Variants in LIMCH1 observed in about 807,000 individuals in gnomAD.
LIMCH1 encodes LIM and calponin homology domains-containing protein 1.
A neutral mutation model predicts 176.5 loss-of-function variants in LIMCH1; 113 were observed. That is an observed-to-expected ratio of 0.64 (90% CI 0.55 to 0.75). The LOEUF is 0.75. LIMCH1 is among the 30% of genes least tolerant of loss of function. The pLI is 0.00. For synonymous variants in LIMCH1, 619 were observed against 645.9 expected (o/e 0.96, Z 0.63); for missense variants, 1,674 against 1,814.9 (o/e 0.92, Z 1.41).
At chr4:41,363,885 G>T (rs2052551707) in intron 1 of LIMCH1, among the ~76,000 whole-genome samples, 1 of 152,222 alleles carries the variant, frequency 6.6e-6, no homozygotes, top group Non-Finnish European at 1.5e-5. Context: ...CAGCAAACTT[G>T]AAGTAGTAAC....
In LIMCH1 at chr4:41,394,868, C is replaced by T. The variant is rs1049160978; in HGVS notation, c.96+33932C>T. 1.1e-4 allele frequency among the ~76,000 whole-genome samples: 17 copies of T among 152,222 alleles called. No homozygotes were observed. The South Asian group carries it at 1.2e-3, about 11-fold the overall frequency. On this transcript the variant is annotated intron_variant, in intron 1 of 26. Coordinates refer to the LIMCH1 transcript ENST00000313860. ...CAAGAACACTGCCTGTGTCCCTAGCCAAAAAGAAACTAAGGACCTAGCATG... is the reference window on the plus strand; with the variant it reads ...CAAGAACACTGCCTGTGTCCCTAGCTAAAAAGAAACTAAGGACCTAGCATG...
rs1253374402 is a variant in LIMCH1 at position 41,523,005 on chromosome 4, G to A, written c.168-1404G>A. 4.6e-5 allele frequency among the ~76,000 whole-genome samples: 7 copies of A among 152,212 alleles called. No homozygotes were observed. In the South Asian group the frequency reaches 8.3e-4, roughly 18 times the overall value. On this transcript the variant is annotated intron_variant, in intron 2 of 26. Coordinates refer to the LIMCH1 transcript ENST00000313860. The stretch of plus-strand genomic sequence containing the variant: ...CTCTTGGTAGCAGCATGTTGGAATT[G>A]CAGTGAAAATTACCGAGAACAGCCA...
rs183962870 is a variant in LIMCH1, at chr4:41,478,371, C to G, written c.97-16165C>G. On this transcript the variant is annotated intron_variant, in intron 1 of 26. Transcript: ENST00000313860. ...TTGCTTTTCTTTATAGTTGTGTTGC[C>G]CAAGTCAAGCCCTTTTAAAGGATAG... 5.3e-5 allele frequency among the ~76,000 whole-genome samples: 8 copies of G among 152,192 alleles called. 1 individual carries two copies. In the East Asian group the frequency reaches 1.5e-3, roughly 29 times the overall value.
chr4:41,597,837 G>C (rs1250920812), intron 1 of LIMCH1, among the ~76,000 whole-genome samples: 1 of 152,188 alleles, frequency 6.6e-6, no homozygotes, highest in Non-Finnish European at 1.5e-5. Flanking sequence ...CTCAAGAAGA[G>C]GTGTGTACAT....
At chr4:41,486,231 G>T (rs1000592834) in intron 1 of LIMCH1, among the ~76,000 whole-genome samples, 1 of 152,148 alleles carries the variant, frequency 6.6e-6, no homozygotes, top group African/African-American at 2.4e-5. Flanking sequence ...TAAGAGCTCT[G>T]CTAAGCTTCC....
intron 1 of LIMCH1, among the ~76,000 whole-genome samples, chr4:41,546,871 A>AAG (rs2079505136): frequency 6.6e-6 from 1 of 151,878 alleles, no homozygotes. Flanking sequence ...GAGAGAGAGA[A>AAG]AGAGAGAGAG....
rs780351724 is a variant in LIMCH1 at position 41,360,854 on chromosome 4, C to A, written c.14C>A (p.Ala5Asp). The A allele has an allele frequency of 6.4e-7, 1 of 1,567,218 alleles. No homozygotes were observed. Among genetic ancestry groups the A allele is most frequent in the Non-Finnish European group, 8.6e-7 (1 of 1,158,864 alleles). The change falls in exon 1 of 27, where the codon GCT (alanine) becomes GAT (aspartate). Residue 5 changes from alanine (A) to aspartate (D), a missense_variant. Ala to Asp is a moderately radical substitution (Grantham distance 126). Transcript: ENST00000313860. The surrounding 1 kb of genome is among the most constrained non-coding windows in gnomAD (Gnocchi z 4.5). Reference sequence around the variant, plus strand: ...GGGGCTGCGCAAATGGCTTGTCCCGCTCTCGGTCTGGAAGCTCTTCAGCCC... The same window carrying A: ...GGGGCTGCGCAAATGGCTTGTCCCGATCTCGGTCTGGAAGCTCTTCAGCCC...
chr4:41,666,442 T>C, intron 20 of LIMCH1, 119 bp from the exon 21 acceptor site: 1 of 604,368 alleles, frequency 1.7e-6, no homozygotes, highest in Non-Finnish European at 2.9e-6. Context: ...TAAATTTAAA[T>C]GTTAACTGTT....
intron 5 of LIMCH1, 82 bp downstream of exon 5, chr4:41,613,743 A>C: frequency 8.2e-7 from 1 of 1,212,250 alleles, no homozygotes; most frequent in Non-Finnish European, 1.2e-6. Context: ...AGGGATGGGC[A>C]CTGGGAAAGC....
At chr4:41,519,855 A>G (rs2075946114) in intron 2 of LIMCH1, among the ~76,000 whole-genome samples, 1 of 152,196 alleles carries the variant, frequency 6.6e-6, no homozygotes. Flanking sequence ...ATGGAAGGGA[A>G]AACTGAGACC....
intron 1 of LIMCH1, among the ~76,000 whole-genome samples, chr4:41,426,317 G>A (rs977593127): frequency 2.0e-5 from 3 of 152,120 alleles, no homozygotes; most frequent in African/African-American, 4.8e-5. Context: ...CACTGCGCCC[G>A]GCCCGTGAAA....
intron 1 of LIMCH1, among the ~76,000 whole-genome samples, chr4:41,563,119 C>T (rs774833582): frequency 5.9e-5 from 9 of 152,170 alleles, no homozygotes; most frequent in Non-Finnish European, 1.0e-4. Flanking sequence ...AGGTTCATAG[C>T]ATAAACCGTG....
rs564836810 is a variant in LIMCH1 at position 41,491,651 on chromosome 4, G to A, written c.97-2885G>A. ...CAGAGGTGCTCCTCACTTCCCAGAC[G>A]GGGCGGCCAGGCAGAGACGCTCCTC... On this transcript the variant is annotated intron_variant, in intron 1 of 26. Transcript: ENST00000313860. Among the ~76,000 whole-genome samples the A allele has an allele frequency of 1.9e-4, 28 of 146,112 alleles. No homozygotes were observed. The East Asian group carries it at 2.3e-3, about 12-fold the overall frequency.
At chr4:41,567,252 A>C (rs2082898682) in intron 1 of LIMCH1, among the ~76,000 whole-genome samples, 1 of 152,174 alleles carries the variant, frequency 6.6e-6, no homozygotes, top group African/African-American at 2.4e-5. Context: ...TGGTTTCCTC[A>C]TATATTATGC....
At chr4:41,404,102 C>A (rs2058727830) in intron 1 of LIMCH1, among the ~76,000 whole-genome samples, 2 of 152,020 alleles carry the variant, frequency 1.3e-5, no homozygotes, top group Admixed American at 1.3e-4. Context: ...TACAAATGAC[C>A]CCCAAATCTC....
intron 1 of LIMCH1, among the ~76,000 whole-genome samples, chr4:41,464,205 G>C: frequency 6.6e-6 from 1 of 151,336 alleles, no homozygotes; most frequent in Admixed American, 6.6e-5. Context: ...TCCTGCTCCA[G>C]TATCCTTCTT....
intron 17 of LIMCH1, among the ~76,000 whole-genome samples, chr4:41,649,286 T>A (rs1389628167): frequency 3.9e-5 from 6 of 151,982 alleles, no homozygotes; most frequent in African/African-American, 1.5e-4. Context: ...TGTAATCCCA[T>A]CTACTTGGGA....
At chr4:41,685,567 C>G (rs1720040629) in intron 27 of LIMCH1, 143 bp from the exon 28 acceptor site, 11 of 864,268 alleles carry the variant, frequency 1.3e-5, no homozygotes, top group Non-Finnish European at 1.8e-5. Flanking sequence ...ATTTAAGTGG[C>G]CTCTCTAACC....
At chr4:41,404,972 C>T (rs901402130) in intron 1 of LIMCH1, among the ~76,000 whole-genome samples, 14 of 151,956 alleles carry the variant, frequency 9.2e-5, no homozygotes, top group Admixed American at 2.6e-4. Flanking sequence ...TTTGCTTTTG[C>T]TTGTGTAATC....
Sources: gnomAD v4.1 joint callset for allele counts (sites outside exome capture counted in the v4.1 genomes callset) on GRCh38, gnomAD v4.1.1 for gene constraint, Gnocchi (gnomAD v3.1) non-coding constraint, MANE v1.5 for transcripts, NCBI Gene and HGNC (gene_info 2026-07-23, HGNC 2026-07-21) for gene names.